EME2: variants seen among roughly 807,000 people sequenced by gnomAD.
EME2 encodes essential meiotic structure-specific endonuclease subunit 2, also known as structure-specific endonuclease subunit EME2.
Under a neutral mutation model 41.9 loss-of-function variants are expected in EME2, and 58 were observed. The ratio of observed to expected loss-of-function variants is 1.38; its 90% CI spans 1.12 to 1.72. EME2 has a LOEUF of 1.72. Ranked by LOEUF, EME2 falls within the 40% of genes most tolerant of loss-of-function variation. The pLI is 0.00. For missense variants in EME2, 695 were observed against 541.9 expected (o/e 1.28, Z -2.81); for synonymous variants, 334 against 239.3 (o/e 1.40, Z -3.65).
chr16:1,775,020 G>A (rs775083880), intron 3 of EME2, 21 bp from the exon 4 acceptor site: 1 of 1,595,516 alleles, frequency 6.3e-7, no homozygotes, highest in Non-Finnish European at 8.5e-7. Context: ...GAACAACTGT[G>A]CCACACGTTC....
At chr16:1,774,929 C>T in intron 3 of EME2, 112 bp from the exon 4 acceptor site, 1 of 836,864 alleles carries the variant, frequency 1.2e-6, no homozygotes, top group Non-Finnish European at 1.9e-6. Context: ...CCTCTCGGCA[C>T]CACTGGCTCT....
chr16:1,777,018 G>A lies in EME2; in HGVS notation c.*780G>A, dbSNP rs891982242. 1.8e-5 allele frequency: 27 copies of A among 1,496,412 alleles called. No homozygotes were observed. In the African/African-American group the frequency reaches 1.9e-4, roughly 11 times the overall value. 92.7% of individuals were successfully genotyped at this position (1,496,412 alleles called of 1,614,324 possible). A position where few individuals can be genotyped will look rare whatever the true frequency, so the allele number is the denominator to read the frequency against. On this transcript the variant is annotated 3_prime_UTR_variant, in exon 8 of 8. Transcript: ENST00000568449. ...TCCAACTCCGCCCTGGAGTGTGGCT[G>A]GAAGGAAGGGACAGAGAAAGAAGGG... is the stretch of plus-strand genomic sequence containing the variant.
intron 7 of EME2, 26 bp from the exon 8 acceptor site, chr16:1,776,042 C>T (rs746956947): frequency 1.2e-6 from 2 of 1,604,900 alleles, no homozygotes; most frequent in South Asian, 1.1e-5. Flanking sequence ...CCCCAGGCGC[C>T]CTCTCATGCC....
rs1334415214 is a variant in EME2 at position 1,773,317 on chromosome 16, C to G, written c.90C>G (p.Thr30=). 1.5e-5 allele frequency: 22 copies of G among 1,506,748 alleles called. No individual in the cohort carries two copies. Among genetic ancestry groups the G allele is most frequent in the Non-Finnish European group, 1.8e-5 (21 of 1,136,930 alleles). The allele number at this position is 1,506,748 out of a possible 1,614,324, so 93.3% of individuals were successfully genotyped here. A position where few individuals can be genotyped will look rare whatever the true frequency, so the allele number is the denominator to read the frequency against. Residue 30 remains threonine, a synonymous_variant, in exon 1 of 8, where the codon ACC becomes ACG. Transcript: ENST00000568449. The part of the protein sequence containing the change: ...RGGSGQRRPP[T]WEISDSDAED... ...GGAGCGGTCAGCGGCGACCTCCAAC[C>G]TGGGAGATCTCAGACTCCGACGCTG... is the stretch of plus-strand genomic sequence containing the variant.
In EME2 at chr16:1,781,552, G is replaced by C. The variant is rs1896713573; in HGVS notation, c.*5314G>C. 5.1e-6 allele frequency: 8 copies of C among 1,561,810 alleles called. No individual in the cohort carries two copies. The South Asian group carries it at 7.1e-5, about 14-fold the overall frequency. ...AGACTCACAGCACTCCCAGCCCTGA[G>C]CTTCCAGGCTGGGCCACGGACCCAC... On this transcript the variant is annotated 3_prime_UTR_variant, in exon 8 of 8. Transcript: ENST00000568449.
At chr16:1,774,460 C>A in intron 3 of EME2, 108 bp downstream of exon 3, 1 of 898,410 alleles carries the variant, frequency 1.1e-6, no homozygotes, top group Non-Finnish European at 1.8e-6. Context: ...CTGGAGGGGG[C>A]ATGGGGCAGG....
In EME2 at chr16:1,775,115, G is replaced by C; in HGVS notation, c.552G>C (p.Gly184=). 1 of 1,611,972 alleles carries C rather than the reference G, an allele frequency of 6.2e-7. No homozygotes were observed. Among genetic ancestry groups the C allele is most frequent in the Non-Finnish European group, 8.5e-7 (1 of 1,179,968 alleles). The change falls in exon 4 of 8, where the codon GGG becomes GGC. Residue 184 remains glycine (G), a synonymous_variant. Coordinates refer to ENST00000568449, the MANE Select transcript of EME2 (RefSeq NM_001257370.2). ...CCCGGCCCCACCTGGCTGTCATCGG[G>C]CTGGATGCCTACCTGTGGTACCGCT... ...TTARPHLAVI[G]LDAYLWSRQH...
Position 1,778,690 on chromosome 16 carries a change from C to G in EME2, c.*2452C>G, listed in dbSNP as rs1005121638. On this transcript the variant is annotated 3_prime_UTR_variant, in exon 8 of 8. Coordinates refer to ENST00000568449, the MANE Select transcript of EME2 (RefSeq NM_001257370.2). ...ACCCTTGCCCTCTGTCCCTGTCCCA[C>G]CCTGTCCCTGACCCACCCAGGAAAG... 6.8e-7 allele frequency: 1 copy of G among 1,467,942 alleles called. No individual in the cohort carries two copies. The highest frequency in any genetic ancestry group is 1.4e-5 in the African/African-American group (1 of 70,874). 90.9% of individuals were successfully genotyped at this position (1,467,942 alleles called of 1,614,324 possible).
Position 1,777,356 on chromosome 16 carries a change from G to C in EME2, c.*1118G>C, listed in dbSNP as rs754097480. On this transcript the variant is annotated 3_prime_UTR_variant, in exon 8 of 8. Coordinates refer to ENST00000568449, the MANE Select transcript of EME2 (RefSeq NM_001257370.2). The stretch of plus-strand genomic sequence containing the variant: ...CTGGAGGGAAGTGGCGCTGGCACAG[G>C]AGCGGGTGACCTTCATGCTGCTCCG... 1 of 1,606,516 alleles carries C rather than the reference G, an allele frequency of 6.2e-7. No homozygotes were observed.
intron 2 of EME2, 123 bp downstream of exon 2, chr16:1,773,964 G>C: frequency 7.7e-7 from 1 of 1,297,866 alleles, no homozygotes; most frequent in Non-Finnish European, 1.0e-6. Context: ...GATGGGTAAA[G>C]CAAGGATGGA....
rs956227138 is a variant in EME2, at chr16:1,776,772, G to A, written c.*534G>A. ...CCTTTAAGTCTATGACGGCGGGGCA[G>A]CCGCTGACAGCATGCAGAGCAAGTT... On this transcript the variant is annotated 3_prime_UTR_variant, in exon 8 of 8. Coordinates refer to ENST00000568449, the MANE Select transcript of EME2 (RefSeq NM_001257370.2). 3 of 444,042 alleles carry A rather than the reference G, an allele frequency of 6.8e-6. No homozygotes were observed. Among genetic ancestry groups the A allele is most frequent in the Non-Finnish European group, 1.2e-5 (3 of 247,160 alleles). 27.5% of individuals were successfully genotyped at this position (444,042 alleles called of 1,614,324 possible).
rs772529627 is a variant in EME2, at chr16:1,775,090, C to T, written c.527C>T (p.Ala176Val). Residue 176 changes from alanine to valine, a missense_variant, in exon 4 of 8, where the codon GCC becomes GTC. Ala to Val is a moderately conservative substitution (Grantham distance 64, BLOSUM62 0). Coordinates refer to ENST00000568449, the MANE Select transcript of EME2 (RefSeq NM_001257370.2). ...CCCTGGATCTCCCCCGAGACCACCGCCCGGCCCCACCTGGCTGTCATCGGG... is the reference window on the plus strand; with the variant it reads ...CCCTGGATCTCCCCCGAGACCACCGTCCGGCCCCACCTGGCTGTCATCGGG... ...WVPWISPETT[A>V]RPHLAVIGLD... The T allele has an allele frequency of 1.4e-5, 22 of 1,611,332 alleles. No homozygotes were observed. Among genetic ancestry groups the T allele is most frequent in the East Asian group, 6.7e-5 (3 of 44,898 alleles).
rs2042712452 is a variant in EME2 at position 1,776,309 on chromosome 16, ACCCCCAGC to A, written c.*73_*80del. ...CAGACACCCTGGGCGGTGGGGGAGG[ACCCCCAGC>A]CACATGTGGACCCTCAGCCTGGGTG... On this transcript the variant is annotated 3_prime_UTR_variant, in exon 8 of 8. Coordinates refer to ENST00000568449, the MANE Select transcript of EME2 (RefSeq NM_001257370.2). The A allele has an allele frequency of 4.0e-6, 6 of 1,493,252 alleles. No homozygotes were observed. The highest frequency in any genetic ancestry group is 4.6e-6 in the Non-Finnish European group (5 of 1,088,948). The allele number at this position is 1,493,252 out of a possible 1,614,324, so 92.5% of individuals were successfully genotyped here.
chr16:1,775,003 C>T (rs747036875), intron 3 of EME2, 38 bp from the exon 4 acceptor site: 3 of 1,549,880 alleles, frequency 1.9e-6, no homozygotes, highest in Non-Finnish European at 2.6e-6. Flanking sequence ...AGGCCGCAGC[C>T]TCCTGTGAAC....
Position 1,777,152 on chromosome 16 carries a change from T to G in EME2, c.*914T>G. The G allele has an allele frequency of 6.2e-7, 1 of 1,610,936 alleles. No individual in the cohort carries two copies. Among genetic ancestry groups the G allele is most frequent in the Non-Finnish European group, 8.5e-7 (1 of 1,179,768 alleles). On this transcript the variant is annotated 3_prime_UTR_variant, in exon 8 of 8. Transcript: ENST00000568449. ...GGGCCGAGGCTCGCGACTGCTGGGG[T>G]GGGCGGAGGTCGCTGCCTGGGGATC...
chr16:1,772,871 C>T lies in EME2; in HGVS notation c.-357C>T. ...GCTCGTCGTGCTGCCACAGCCAGGA[C>T]TTGCGCGTGACCAGGCGGCCCAGGC... On this transcript the variant is annotated 5_prime_UTR_variant, in exon 1 of 8. Coordinates refer to ENST00000568449, the MANE Select transcript of EME2 (RefSeq NM_001257370.2). 6.9e-7 allele frequency: 1 copy of T among 1,453,924 alleles called. No homozygotes were observed. The highest frequency in any genetic ancestry group is 1.4e-5 in the South Asian group (1 of 71,392). The allele number at this position is 1,453,924 out of a possible 1,614,324, so 90.1% of individuals were successfully genotyped here. A position where few individuals can be genotyped will look rare whatever the true frequency, so the allele number is the denominator to read the frequency against.
chr16:1,773,897 G>T (rs529926617), intron 2 of EME2, 56 bp downstream of exon 2: 6 of 1,493,830 alleles, frequency 4.0e-6, no homozygotes, highest in South Asian at 4.0e-5. Context: ...TTGCTTCCAT[G>T]ATTTCAGCCC....
At chr16:1,774,174 A>T in intron 2 of EME2, 86 bp from the exon 3 acceptor site, 1 of 1,214,998 alleles carries the variant, frequency 8.2e-7, no homozygotes, top group Non-Finnish European at 1.2e-6. Flanking sequence ...GGGGCCACGA[A>T]CCGCTTTGCT....
chr16:1,778,175 A>T lies in EME2; in HGVS notation c.*1937A>T. On this transcript the variant is annotated 3_prime_UTR_variant, in exon 8 of 8. Coordinates refer to ENST00000568449, the MANE Select transcript of EME2 (RefSeq NM_001257370.2). The stretch of plus-strand genomic sequence containing the variant: ...ACGGGAGAGGTCATCTTGATCTCCC[A>T]GAAGTGCTGGCCCTCCCCCAGCTCC... 1 of 1,612,998 alleles carries T rather than the reference A, an allele frequency of 6.2e-7. No homozygotes were observed. The highest frequency in any genetic ancestry group is 8.5e-7 in the Non-Finnish European group (1 of 1,179,924).
Sources: gnomAD v4.1 joint callset for allele counts on GRCh38, gnomAD v4.1.1 for gene constraint, MANE v1.5 for transcripts, NCBI Gene and HGNC (gene_info 2026-07-23, HGNC 2026-07-21) for gene names.